The following DACH2 variants were observed in gnomAD, a reference collection of about 807,000 sequenced individuals.
DACH2 encodes dachshund homolog 2.
DACH2 carries 17 observed loss-of-function variants against 35.8 expected under a neutral mutation model. That is an observed-to-expected ratio of 0.48 (90% CI 0.33 to 0.71). The LOEUF (loss-of-function observed/expected upper bound fraction) is 0.71. Ranked by LOEUF, DACH2 falls within the 30% of genes least tolerant of loss-of-function variation. The pLI is 0.02. For synonymous variants in DACH2, 195 were observed against 177.3 expected, an observed-to-expected ratio of 1.10 and a Z score of -0.79; for missense variants, 469 against 472.7, an observed-to-expected ratio of 0.99 and a Z score of 0.07.
chrX:86,596,317 G>A (rs989318259), intron 3 of DACH2, among the ~76,000 whole-genome samples: 4 of 111,620 alleles, frequency 3.6e-5, no homozygotes, highest in African/African-American at 1.3e-4. Flanking sequence ...GTTTTACACA[G>A]TAATTGCATC....
At chrX:86,591,357 C>T (rs1424460185) in intron 3 of DACH2, among the ~76,000 whole-genome samples, 1 of 111,140 alleles carries the variant, frequency 9.0e-6, no homozygotes, top group Admixed American at 9.6e-5. Flanking sequence ...ATGGCTGGGT[C>T]AAATGGTATT....
At chrX:86,189,286 C>T (rs2031762118) in intron 1 of DACH2, among the ~76,000 whole-genome samples, 1 of 111,602 alleles carries the variant, frequency 9.0e-6, no homozygotes, top group African/African-American at 3.3e-5. Flanking sequence ...ATCTTGAGTG[C>T]AGTAGGCCAT....
intron 1 of DACH2, among the ~76,000 whole-genome samples, chrX:86,154,057 A>G (rs2030460179): frequency 1.8e-5 from 2 of 111,852 alleles, no homozygotes; most frequent in African/African-American, 3.2e-5. Context: ...CCTAGTTCCT[A>G]TAGAAGATAT....
At chrX:86,580,041 G>C (rs756633969) in intron 3 of DACH2, among the ~76,000 whole-genome samples, 4 of 111,205 alleles carry the variant, frequency 3.6e-5, no homozygotes, top group Non-Finnish European at 5.7e-5. Context: ...TTCTAACCTT[G>C]AGGGGCCAGT....
At chrX:86,552,802 T>C (rs1480945455) in intron 3 of DACH2, among the ~76,000 whole-genome samples, 2 of 111,223 alleles carry the variant, frequency 1.8e-5, no homozygotes. Context: ...AAGTATATGG[T>C]AGCAGTTTGA....
At chrX:86,196,431 ACCTGTAATC>A (rs1287836528) in intron 1 of DACH2, among the ~76,000 whole-genome samples, 1 of 110,364 alleles carries the variant, frequency 9.1e-6, no homozygotes, top group East Asian at 2.9e-4. Context: ...AGTGGCTCAC[ACCTGTAATC>A]CCAGCACTTT....
intron 2 of DACH2, among the ~76,000 whole-genome samples, chrX:86,457,713 G>T (rs1315307142): frequency 8.9e-6 from 1 of 112,130 alleles, no homozygotes; most frequent in Non-Finnish European, 1.9e-5. Flanking sequence ...GGAGGAATGA[G>T]AATGAATTTG....
At chrX:86,389,591 G>A (rs1483253170) in intron 2 of DACH2, among the ~76,000 whole-genome samples, 1 of 112,029 alleles carries the variant, frequency 8.9e-6, no homozygotes, top group Admixed American at 9.5e-5. Context: ...AGTATTTATG[G>A]CCACAGGAGA....
chrX:86,346,539 TA>T (rs2035500517), intron 1 of DACH2, among the ~76,000 whole-genome samples: 1 of 111,327 alleles, frequency 9.0e-6, no homozygotes, highest in Non-Finnish European at 1.9e-5. Flanking sequence ...CATCTTAAGA[TA>T]AAACCCCAAA....
intron 1 of DACH2, among the ~76,000 whole-genome samples, chrX:86,268,056 G>A (rs1191409497): frequency 4.5e-5 from 5 of 111,705 alleles, no homozygotes; most frequent in African/African-American, 1.6e-4. Context: ...AAATTGTCAG[G>A]AAAGAAAAAA....
chrX:86,646,953 G>T (rs1183915089), intron 3 of DACH2, among the ~76,000 whole-genome samples: 1 of 109,240 alleles, frequency 9.2e-6, no homozygotes, highest in Non-Finnish European at 1.9e-5. Context: ...TCAGGGAAAT[G>T]CAAATCAAAA....
chrX:86,537,165 A>G (rs2148294875), intron 3 of DACH2, among the ~76,000 whole-genome samples: 1 of 111,732 alleles, frequency 8.9e-6, no homozygotes, highest in African/African-American at 3.2e-5. Context: ...TCTAGCTTGT[A>G]CTATCCAGTG....
intron 3 of DACH2, among the ~76,000 whole-genome samples, chrX:86,599,518 C>CTTTCTT (rs1569449953): frequency 1.0e-5 from 1 of 97,251 alleles, no homozygotes; most frequent in African/African-American, 3.8e-5. Context: ...TTCTTTCTTT[C>CTTTCTT]AAAGAGTCTC....
At chrX:86,260,920 T>C (rs1425176441) in intron 1 of DACH2, among the ~76,000 whole-genome samples, 1 of 111,943 alleles carries the variant, frequency 8.9e-6, no homozygotes, top group East Asian at 2.8e-4. Flanking sequence ...AAAAGTAAAA[T>C]TGGAAGGTCT....
At chrX:86,516,816 G>T (rs955396452) in intron 3 of DACH2, among the ~76,000 whole-genome samples, 4 of 110,706 alleles carry the variant, frequency 3.6e-5, no homozygotes, top group Non-Finnish European at 7.6e-5. Flanking sequence ...TGCGGTATTT[G>T]GTTTTCTATT....
chrX:86,493,806 G>A (rs2038127646), intron 2 of DACH2, among the ~76,000 whole-genome samples: 1 of 112,051 alleles, frequency 8.9e-6, no homozygotes, highest in African/African-American at 3.2e-5. Context: ...TTACAAAACA[G>A]CGGCAGATAA....
chrX:86,293,362 G>C (rs913227723), intron 1 of DACH2, among the ~76,000 whole-genome samples: 2 of 109,640 alleles, frequency 1.8e-5, no homozygotes, highest in African/African-American at 6.7e-5. Context: ...GCACACTGAT[G>C]GGTCTTGACT....
chrX:86,174,549 G>A (rs2031242594), intron 1 of DACH2, among the ~76,000 whole-genome samples: 2 of 112,193 alleles, frequency 1.8e-5, no homozygotes, highest in Admixed American at 1.9e-4. Context: ...GCAAACATTT[G>A]TAGAATAAAT....
At chrX:86,639,987 G>A (rs1317075449) in intron 3 of DACH2, among the ~76,000 whole-genome samples, 3 of 111,388 alleles carry the variant, frequency 2.7e-5, no homozygotes, top group African/African-American at 9.8e-5. Context: ...TCTCCCAGAG[G>A]GAGGGACAGG....
Sources: allele counts gnomAD v4.1 joint callset (sites outside exome capture counted in the v4.1 genomes callset), GRCh38; gene constraint gnomAD v4.1.1; transcripts MANE v1.5; gene names NCBI Gene and HGNC (gene_info 2026-07-23, HGNC 2026-07-21).